The following CALN1 variants were observed in gnomAD, a reference collection of about 807,000 sequenced individuals.
CALN1 encodes calcium-binding protein 8.
A neutral mutation model predicts 30.6 loss-of-function variants in CALN1; 17 were observed. The observed-to-expected ratio is 0.56, with a 90% CI of 0.38 to 0.83. The LOEUF (loss-of-function observed/expected upper bound fraction) is 0.83. CALN1 is among the 40% of genes least tolerant of loss of function. The pLI, the probability that CALN1 is intolerant of heterozygous loss-of-function variation, is 0.00. For missense variants in CALN1, 291 were observed against 354.9 expected, an observed-to-expected ratio of 0.82 and a Z score of 1.45; for synonymous variants, 156 against 131.4, an observed-to-expected ratio of 1.19 and a Z score of -1.28.
At chr7:72,270,230 G>A (rs541375850) in intron 3 of CALN1, among the ~76,000 whole-genome samples, 1 of 152,198 alleles carries the variant, frequency 6.6e-6, no homozygotes, top group Admixed American at 6.5e-5. Flanking sequence ...GCTGAGGCAG[G>A]GGGATCACTT....
chr7:71,893,429 G>A (rs947270946), intron 5 of CALN1, among the ~76,000 whole-genome samples: 2 of 152,156 alleles, frequency 1.3e-5, no homozygotes, highest in African/African-American at 4.8e-5. Flanking sequence ...GCTCATGCCT[G>A]TAATCCCAGC....
chr7:72,100,820 A>AT, intron 4 of CALN1, among the ~76,000 whole-genome samples: 1 of 101,252 alleles, frequency 9.9e-6, no homozygotes, highest in Admixed American at 1.1e-4. Flanking sequence ...ACTCCGTCTC[A>AT]CAAAAAAAAA....
intron 5 of CALN1, among the ~76,000 whole-genome samples, chr7:72,003,620 T>C (rs148530598): frequency 0.015 from 2,234 of 152,268 alleles, 46 homozygotes; most frequent in African/African-American, 0.052. Context: ...GGGATCTAGG[T>C]TGTATGCTCC....
chr7:72,107,351 C>A (rs762004262), intron 3 of CALN1, among the ~76,000 whole-genome samples: 1 of 152,222 alleles, frequency 6.6e-6, no homozygotes, highest in Non-Finnish European at 1.5e-5. Flanking sequence ...GACTCATTCT[C>A]CTAATTTACA....
intron 5 of CALN1, among the ~76,000 whole-genome samples, chr7:71,891,949 T>A (rs527411433): frequency 8.2e-4 from 109 of 133,352 alleles, no homozygotes; most frequent in African/African-American, 3.1e-3. Context: ...GTCTCAAAAA[T>A]AAATAAATAA....
chr7:72,303,544 C>T (rs764268535), intron 2 of CALN1, among the ~76,000 whole-genome samples: 15 of 143,888 alleles, frequency 1.0e-4, no homozygotes, highest in Non-Finnish European at 1.5e-4. Flanking sequence ...GCAACAAGAG[C>T]GAAACTCCAT....
intron 5 of CALN1, among the ~76,000 whole-genome samples, chr7:71,959,625 T>C (rs1471798558): frequency 7.1e-6 from 1 of 140,482 alleles, no homozygotes; most frequent in African/African-American, 2.5e-5. Flanking sequence ...TTTCCAGCTT[T>C]TTTTTTTTTT....
At chr7:72,501,480 AAGG>A in the CALN1 span, among the ~76,000 whole-genome samples, 1 of 142,552 alleles carries the variant, frequency 7.0e-6, no homozygotes, top group African/African-American at 2.6e-5. Context: ...AGGAAGAAGG[AAGG>A]AGGGAAGGAA....
chr7:72,310,222 G>C (rs964941224), intron 2 of CALN1, among the ~76,000 whole-genome samples: 3 of 151,612 alleles, frequency 2.0e-5, no homozygotes, highest in Non-Finnish European at 4.4e-5. Context: ...AAAAACCCTA[G>C]ACAGCACAAT....
At chr7:72,040,864 G>A (rs866383593) in intron 4 of CALN1, among the ~76,000 whole-genome samples, 32 of 152,156 alleles carry the variant, frequency 2.1e-4, no homozygotes, top group African/African-American at 7.2e-4. Flanking sequence ...TTGAGGTTGG[G>A]CTTTCAGCCT....
intron 5 of CALN1, among the ~76,000 whole-genome samples, chr7:71,862,694 T>A (rs1428022283): frequency 1.3e-5 from 2 of 152,198 alleles, no homozygotes; most frequent in Admixed American, 6.5e-5. Flanking sequence ...ATTCATGCAA[T>A]CTTGATAAGC....
At chr7:72,499,277 C>T in the CALN1 span, among the ~76,000 whole-genome samples, 10 of 152,206 alleles carry the variant, frequency 6.6e-5, no homozygotes, top group African/African-American at 1.7e-4. Flanking sequence ...GCGATCCACC[C>T]ACCTCAGCCT....
chr7:72,365,850 A>G (rs1007013238), intron 2 of CALN1, among the ~76,000 whole-genome samples: 13 of 152,240 alleles, frequency 8.5e-5, no homozygotes, highest in African/African-American at 2.9e-4. Context: ...GAGTGAGAGT[A>G]TATGAAAACG....
At chr7:71,996,534 C>T (rs1799261777) in intron 5 of CALN1, among the ~76,000 whole-genome samples, 2 of 152,174 alleles carry the variant, frequency 1.3e-5, no homozygotes. Flanking sequence ...CTTCCAGCTC[C>T]AGCTATGTCC....
intron 3 of CALN1, among the ~76,000 whole-genome samples, chr7:72,237,172 C>G (rs542117706): frequency 2.6e-5 from 4 of 151,910 alleles, no homozygotes; most frequent in African/African-American, 7.3e-5. Context: ...TTAGTAGAGA[C>G]GGCGTTTCAC....
At chr7:71,796,350 G>GTTTC (rs1312308344) in intron 6 of CALN1, among the ~76,000 whole-genome samples, 2 of 145,214 alleles carry the variant, frequency 1.4e-5, no homozygotes, top group African/African-American at 5.1e-5. Flanking sequence ...GTAACTCTAT[G>GTTTC]TTTCTTTCTT....
At chr7:72,217,115 A>G (rs1792883436) in intron 3 of CALN1, among the ~76,000 whole-genome samples, 3 of 152,160 alleles carry the variant, frequency 2.0e-5, no homozygotes, top group Admixed American at 6.5e-5. Context: ...AGGATTAAGA[A>G]AAGTACCTTT....
At chr7:72,311,651 A>ATTTTTTTTT (rs56197069) in intron 2 of CALN1, among the ~76,000 whole-genome samples, 3 of 48,532 alleles carry the variant, frequency 6.2e-5, no homozygotes, top group African/African-American at 1.6e-4. Flanking sequence ...CCTGGCTGAG[A>ATTTTTTTTT]TTTTTTTTTT....
chr7:72,005,267 A>G (rs993813688), intron 5 of CALN1, among the ~76,000 whole-genome samples: 2 of 152,236 alleles, frequency 1.3e-5, no homozygotes, highest in African/African-American at 2.4e-5. Context: ...AGTGGGTTAA[A>G]TAAGTTTCAT....
Sources: gnomAD v4.1 joint callset for allele counts (sites outside exome capture counted in the v4.1 genomes callset) on GRCh38, gnomAD v4.1.1 for gene constraint, MANE v1.5 for transcripts, NCBI Gene and HGNC (gene_info 2026-07-23, HGNC 2026-07-21) for gene names.